Variants in NAALADL2 observed in about 807,000 individuals in gnomAD.
NAALADL2 encodes N-acetylated alpha-linked acidic dipeptidase like 2, also known as inactive N-acetylated-alpha-linked acidic dipeptidase-like protein 2.
A neutral mutation model predicts 87.2 loss-of-function variants in NAALADL2; 76 were observed. That is an observed-to-expected ratio of 0.87 (90% CI 0.72 to 1.05). NAALADL2 has a LOEUF of 1.05. Ranked by LOEUF, NAALADL2 falls within the 50% of genes least tolerant of loss-of-function variation. The pLI, the probability that NAALADL2 is intolerant of heterozygous loss-of-function variation, is 0.00. For synonymous variants in NAALADL2, 354 were observed against 331.0 expected (o/e 1.07, Z -0.75); for missense variants, 1,089 against 945.8 (o/e 1.15, Z -1.99).
intron 2 of NAALADL2, among the ~76,000 whole-genome samples, chr3:174,616,501 C>T (rs2108654625): frequency 6.6e-6 from 1 of 152,034 alleles, no homozygotes; most frequent in Admixed American, 6.5e-5. Context: ...CTCAGAACCA[C>T]TTTGAATTAA....
chr3:175,429,323 A>G (rs1214931345), intron 5 of NAALADL2, among the ~76,000 whole-genome samples: 1 of 151,960 alleles, frequency 6.6e-6, no homozygotes, highest in Non-Finnish European at 1.5e-5. Context: ...GCTCTTAAAG[A>G]CAAGATATGT....
chr3:175,189,660 T>G (rs533177284), intron 2 of NAALADL2, among the ~76,000 whole-genome samples: 1 of 152,140 alleles, frequency 6.6e-6, no homozygotes, highest in African/African-American at 2.4e-5. Context: ...ATACACAGAT[T>G]CAGTGCAATT....
chr3:174,784,325 C>T (rs901428232), intron 3 of NAALADL2, among the ~76,000 whole-genome samples: 1 of 152,054 alleles, frequency 6.6e-6, no homozygotes, highest in Admixed American at 6.6e-5. Context: ...GTGTATTTGT[C>T]TAAAAATCTC....
At chr3:175,395,530 G>T (rs1003219215) in intron 5 of NAALADL2, among the ~76,000 whole-genome samples, 2 of 152,104 alleles carry the variant, frequency 1.3e-5, no homozygotes. Context: ...TGCTAAGTAT[G>T]CATTCCTTTA....
chr3:175,072,635 A>G (rs558953800), intron 1 of NAALADL2, among the ~76,000 whole-genome samples: 13 of 135,880 alleles, frequency 9.6e-5, no homozygotes, highest in Admixed American at 5.3e-4. Context: ...GAGATGTCCA[A>G]TTGCTTTTCT....
chr3:175,409,095 T>C (rs1363809030), intron 5 of NAALADL2, among the ~76,000 whole-genome samples: 1 of 151,990 alleles, frequency 6.6e-6, no homozygotes. Context: ...AATGACTTTT[T>C]TACACATGGA....
chr3:175,616,243 G>A (rs907602463), intron 10 of NAALADL2, among the ~76,000 whole-genome samples: 2 of 146,956 alleles, frequency 1.4e-5, no homozygotes, highest in Admixed American at 6.8e-5. Flanking sequence ...TAGAATTATT[G>A]TATGTATTCA....
chr3:174,570,892 C>G (rs1714844377), intron 2 of NAALADL2, among the ~76,000 whole-genome samples: 1 of 152,222 alleles, frequency 6.6e-6, no homozygotes, highest in Non-Finnish European at 1.5e-5. Context: ...TCCTTTAACT[C>G]AGCATTTTCC....
At chr3:175,138,737 C>A (rs1288617526) in intron 2 of NAALADL2, among the ~76,000 whole-genome samples, 1 of 149,190 alleles carries the variant, frequency 6.7e-6, no homozygotes, top group Non-Finnish European at 1.5e-5. Flanking sequence ...GCTCACAACA[C>A]CATGCCCAGC....
intron 11 of NAALADL2, among the ~76,000 whole-genome samples, chr3:175,684,558 GCTGAA>G (rs1446863022): frequency 6.6e-6 from 1 of 152,106 alleles, no homozygotes; most frequent in East Asian, 1.9e-4. Context: ...ATTTTGGGAG[GCTGAA>G]CTGGAGGATC....
At chr3:175,341,734 G>A (rs1003888166) in intron 5 of NAALADL2, among the ~76,000 whole-genome samples, 11 of 152,038 alleles carry the variant, frequency 7.2e-5, no homozygotes, top group African/African-American at 2.7e-4. Context: ...GACCCATTGT[G>A]ATTTTTATTT....
chr3:175,356,596 AT>A (rs1391255751), intron 5 of NAALADL2, among the ~76,000 whole-genome samples: 15 of 146,666 alleles, frequency 1.0e-4, no homozygotes, highest in African/African-American at 3.4e-4. Context: ...AATAATAATA[AT>A]AATAATAATA....
At chr3:174,659,321 G>A (rs1489330338) in intron 2 of NAALADL2, among the ~76,000 whole-genome samples, 2 of 152,012 alleles carry the variant, frequency 1.3e-5, no homozygotes, top group Admixed American at 6.6e-5. Context: ...AAAATAACTT[G>A]TTTTCTGAAT....
intron 1 of NAALADL2, among the ~76,000 whole-genome samples, chr3:174,892,622 C>G (rs1401915660): frequency 6.6e-6 from 1 of 151,898 alleles, no homozygotes; most frequent in African/African-American, 2.4e-5. Context: ...ATATCAATAT[C>G]CAATTACAAG....
intron 2 of NAALADL2, among the ~76,000 whole-genome samples, chr3:175,106,163 C>T (rs919746879): frequency 2.6e-5 from 4 of 152,056 alleles, no homozygotes; most frequent in African/African-American, 7.2e-5. Context: ...AGTTACTTTC[C>T]TAGTAAGCAA....
chr3:175,594,980 C>T (rs1450063251), intron 10 of NAALADL2, among the ~76,000 whole-genome samples: 1 of 152,000 alleles, frequency 6.6e-6, no homozygotes, highest in Non-Finnish European at 1.5e-5. Context: ...GTTACTTTTG[C>T]TGTGCAGAAG....
intron 1 of NAALADL2, among the ~76,000 whole-genome samples, chr3:175,037,336 A>G (rs1306242376): frequency 6.6e-6 from 1 of 152,122 alleles, no homozygotes; most frequent in Non-Finnish European, 1.5e-5. Context: ...GTACCCTAGA[A>G]GAAGGGTAGG....
intron 9 of NAALADL2, among the ~76,000 whole-genome samples, chr3:175,485,696 C>T (rs529555078): frequency 6.4e-4 from 98 of 152,258 alleles, no homozygotes; most frequent in African/African-American, 2.3e-3. Flanking sequence ...TTTCTAGCTA[C>T]GCTGACAGCC....
At chr3:175,638,173 A>G (rs1728801830) in intron 11 of NAALADL2, among the ~76,000 whole-genome samples, 2 of 152,204 alleles carry the variant, frequency 1.3e-5, no homozygotes, top group Non-Finnish European at 1.5e-5. Context: ...ATACATAAAC[A>G]TCAACCACAA....
Sources: allele counts gnomAD v4.1 joint callset (sites outside exome capture counted in the v4.1 genomes callset), GRCh38; gene constraint gnomAD v4.1.1; transcripts MANE v1.5; gene names NCBI Gene and HGNC (gene_info 2026-07-23, HGNC 2026-07-21).